Variants in PPP2R1B observed in about 807,000 individuals in gnomAD.
The protein encoded by PPP2R1B is protein phosphatase 2 scaffold subunit Abeta.
PPP2R1B carries 58 observed loss-of-function variants against 72.7 expected under a neutral mutation model. The observed-to-expected ratio is 0.80, with a 90% CI of 0.65 to 0.99. The LOEUF is 0.99. PPP2R1B is among the 50% of genes least tolerant of loss of function. The pLI, the probability that PPP2R1B is intolerant of heterozygous loss-of-function variation, is 0.00. For synonymous variants in PPP2R1B, 256 were observed against 264.6 expected, an observed-to-expected ratio of 0.97 and a Z score of 0.32; for missense variants, 695 against 733.6, an observed-to-expected ratio of 0.95 and a Z score of 0.61.
At chr11:111,712,396 C>G in the PPP2R1B span, 1 of 1,603,606 alleles carries the variant, frequency 6.2e-7, no homozygotes, top group Non-Finnish European at 8.5e-7. Flanking sequence ...GTTTGAGAGT[C>G]TCAGAACTGG....
chr11:111,737,061 G>A (rs1432884446), downstream of PPP2R1B, among the ~76,000 whole-genome samples: 6 of 152,220 alleles, frequency 3.9e-5, no homozygotes, highest in Non-Finnish European at 8.8e-5. Flanking sequence ...GGAAATAACT[G>A]AGAGGAATTA....
chr11:111,692,209 G>A, the PPP2R1B span, among the ~76,000 whole-genome samples: 1 of 151,784 alleles, frequency 6.6e-6, no homozygotes, highest in South Asian at 2.1e-4. Context: ...AAATTAGCCA[G>A]GAATGGCAGC....
At chr11:111,722,613 A>T, downstream of PPP2R1B, 1 of 1,546,804 alleles carries the variant, frequency 6.5e-7, no homozygotes, top group Non-Finnish European at 8.9e-7. This position sits in a 1 kb window ranked among gnomAD's most constrained non-coding sequence, Gnocchi z 4.4. Context: ...TGATGACTGC[A>T]TCCTAGGTGA....
At chr11:111,713,792 C>G in the PPP2R1B span, among the ~76,000 whole-genome samples, 1 of 152,128 alleles carries the variant, frequency 6.6e-6, no homozygotes, top group Non-Finnish European at 1.5e-5. Context: ...CATGGCGAAA[C>G]TCCGTCTCTA....
Position 111,743,529 on chromosome 11 carries a change from T to C in PPP2R1B, c.1401A>G (p.Val467=). ...SLCMAWLVDH[V]YAIREAATNN... ...TGGTGGCAGCTTCTCGGATGGCGTA[T>C]ACTGCAGAAGAGGTCAAAAACATGT... Residue 467 remains valine (V), a splice_region_variant and synonymous_variant, in exon 12 of 15, where the codon GTA becomes GTG. Transcript: ENST00000527614. 3 of 1,612,260 alleles carry C rather than the reference T, an allele frequency of 1.9e-6. No individual in the cohort carries two copies. Among genetic ancestry groups the C allele is most frequent in the Middle Eastern group, 1.7e-4 (1 of 6,048 alleles).
chr11:111,748,042 T>C, intron 10 of PPP2R1B, 28 bp from the exon 11 acceptor site: 1 of 1,593,334 alleles, frequency 6.3e-7, no homozygotes, highest in Non-Finnish European at 8.6e-7. Context: ...TCCATTAACA[T>C]ACATTGCCAA....
the PPP2R1B span, among the ~76,000 whole-genome samples, chr11:111,700,117 T>A: frequency 6.6e-6 from 1 of 152,234 alleles, no homozygotes; most frequent in East Asian, 1.9e-4. Flanking sequence ...TAACAATACT[T>A]ACTAAATTTT....
At chr11:111,753,307 G>C in intron 9 of PPP2R1B, 136 bp downstream of exon 9, 1 of 1,202,986 alleles carries the variant, frequency 8.3e-7, no homozygotes, top group African/African-American at 1.6e-5. Context: ...AAAATCACAG[G>C]TGTCATTGGT....
chr11:111,729,817 C>T (rs1042530570), intron 15 of PPP2R1B: 2 of 152,272 alleles, frequency 1.3e-5, no homozygotes, highest in Admixed American at 6.5e-5. Context: ...CTGAACCAGG[C>T]TGAGGGAGAC....
chr11:111,761,103 A>G, intron 3 of PPP2R1B, 52 bp from the exon 4 acceptor site: 1 of 1,447,920 alleles, frequency 6.9e-7, no homozygotes, highest in South Asian at 1.2e-5. Context: ...GAATCAGGTT[A>G]GAAACAGATA....
At chr11:111,727,945 A>G (rs972376834) in intron 15 of PPP2R1B, 5 of 152,256 alleles carry the variant, frequency 3.3e-5, no homozygotes, top group Admixed American at 3.3e-4. Context: ...ATTACATTTT[A>G]AAACCTGTAT....
chr11:111,748,725 C>A (rs1026772970), intron 10 of PPP2R1B, among the ~76,000 whole-genome samples: 4 of 152,196 alleles, frequency 2.6e-5, no homozygotes, highest in Non-Finnish European at 4.4e-5. Flanking sequence ...CTTCTGGGGT[C>A]TACACATTTA....
At chr11:111,742,781 T>A in intron 12 of PPP2R1B, 116 bp from the exon 13 acceptor site, 3 of 947,186 alleles carry the variant, frequency 3.2e-6, no homozygotes, top group Non-Finnish European at 4.4e-6. Context: ...ATTTCTAGTT[T>A]GAGCAGCTGA....
intron 10 of PPP2R1B, among the ~76,000 whole-genome samples, chr11:111,750,584 A>G (rs1248466872): frequency 6.6e-6 from 1 of 152,206 alleles, no homozygotes; most frequent in Non-Finnish European, 1.5e-5. Flanking sequence ...CTCTCCAACT[A>G]GACTGTAACA....
the PPP2R1B span, chr11:111,721,892 G>C: frequency 6.2e-7 from 1 of 1,612,322 alleles, no homozygotes; most frequent in South Asian, 1.1e-5. Flanking sequence ...ATCCCCAGCT[G>C]TCCCCACGGC....
chr11:111,721,214 C>A, the PPP2R1B span: 2 of 935,008 alleles, frequency 2.1e-6, no homozygotes, highest in Non-Finnish European at 3.1e-6. Flanking sequence ...TTGTTGCTGC[C>A]ACCTGCCACT....
rs1157944161 is a variant in PPP2R1B at position 111,766,099 on chromosome 11, G to A, written c.114+149C>T. 45 of 741,374 alleles carry A rather than the reference G, an allele frequency of 6.1e-5. 1 individual carries two copies. In the Admixed American group the frequency reaches 8.3e-4, roughly 14 times the overall value. 45.9% of individuals were successfully genotyped at this position (741,374 alleles called of 1,614,324 possible). On this transcript the variant is annotated intron_variant, in intron 1 of 14. Transcript: ENST00000527614. ...TCGGGGCGTGTCACCACAGCCCCTC[G>A]CGGAGCATTCCCCGCCTCCCCTTCA...
intron 2 of PPP2R1B, 89 bp from the exon 3 acceptor site, chr11:111,764,994 G>A (rs148740616): frequency 1.3e-6 from 2 of 1,534,874 alleles, no homozygotes; most frequent in African/African-American, 1.4e-5. Flanking sequence ...TTCACTATGC[G>A]ACCAGGAAGG....
At position 111,753,687 on chromosome 11, in the gene PPP2R1B, C is replaced by T. The variant is rs1349812211; in HGVS notation, c.1030-110G>A. The T allele has an allele frequency of 1.2e-5, 15 of 1,223,282 alleles. No homozygotes were observed. In the East Asian group the frequency reaches 1.3e-4, roughly 10 times the overall value. 75.8% of individuals were successfully genotyped at this position (1,223,282 alleles called of 1,614,324 possible). A position where few individuals can be genotyped will look rare whatever the true frequency, so the allele number is the denominator to read the frequency against. The stretch of plus-strand genomic sequence containing the variant: ...TGTTGCCCAGGCTGGAGTGCAGTGG[C>T]ATGACCTTGGCTCACTGCAGCCTCA... On this transcript the variant is annotated intron_variant, in intron 8 of 14. Transcript: ENST00000527614.
Sources: gnomAD v4.1 joint callset for allele counts (sites outside exome capture counted in the v4.1 genomes callset) on GRCh38, gnomAD v4.1.1 for gene constraint, Gnocchi (gnomAD v3.1) non-coding constraint, MANE v1.5 for transcripts, NCBI Gene and HGNC (gene_info 2026-07-23, HGNC 2026-07-21) for gene names.